The following FGF13 variants were observed in gnomAD, a reference collection of about 807,000 sequenced individuals.
FGF13 encodes fibroblast growth factor 13.
In FGF13, 2 loss-of-function variants were observed where a neutral mutation model predicts 19.5. The ratio of observed to expected loss-of-function variants is 0.10; its 90% CI spans 0.04 to 0.32. FGF13 has a LOEUF of 0.32. Among genes scored for constraint, FGF13 ranks in the 10% least tolerant of loss-of-function variants. The pLI is 1.00. For missense variants in FGF13, 113 were observed against 192.7 expected (o/e 0.59, Z 2.45); for synonymous variants, 72 against 76.9 (o/e 0.94, Z 0.33).
At chrX:138,831,105 C>A (rs982238176) in intron 3 of FGF13, among the ~76,000 whole-genome samples, 5 of 111,623 alleles carry the variant, frequency 4.5e-5, no homozygotes, top group African/African-American at 1.6e-4. Flanking sequence ...CCAGAACGTA[C>A]AAGCCATACA....
chrX:138,973,323 T>A (rs2091926414), intron 1 of FGF13, among the ~76,000 whole-genome samples: 1 of 112,443 alleles, frequency 8.9e-6, no homozygotes, highest in Non-Finnish European at 1.9e-5. Flanking sequence ...TCTCCTGTTA[T>A]TGATTTCTAA....
intron 1 of FGF13, among the ~76,000 whole-genome samples, chrX:139,179,154 TACTTTTAATGGCAAA>T (rs2084218071): frequency 8.9e-6 from 1 of 112,008 alleles, no homozygotes; most frequent in African/African-American, 3.2e-5. Flanking sequence ...TACTGCCTAT[TACTTTTAATGGCAAA>T]ACCGCAATTA....
intron 3 of FGF13, among the ~76,000 whole-genome samples, chrX:138,834,580 A>AT (rs1304882655): frequency 1.3e-4 from 12 of 95,819 alleles, no homozygotes; most frequent in East Asian, 6.3e-4. Context: ...TTATTTACTT[A>AT]TTTTTTTTCA....
chrX:138,925,543 G>A (rs2091668464), intron 1 of FGF13, among the ~76,000 whole-genome samples: 1 of 111,612 alleles, frequency 9.0e-6, no homozygotes, highest in Admixed American at 9.5e-5. Flanking sequence ...AAGCAACCTT[G>A]GATTCCTCTA....
intron 3 of FGF13, among the ~76,000 whole-genome samples, chrX:138,810,031 T>C (rs1453400772): frequency 8.9e-6 from 1 of 111,819 alleles, no homozygotes; most frequent in Non-Finnish European, 1.9e-5. Flanking sequence ...AGGTAACTTA[T>C]AGATTCAATG....
intron 1 of FGF13, among the ~76,000 whole-genome samples, chrX:139,121,910 G>C (rs2083680025): frequency 9.0e-6 from 1 of 111,030 alleles, no homozygotes; most frequent in African/African-American, 3.3e-5. Flanking sequence ...AGGAAGACAC[G>C]GGTAAGGCAA....
At chrX:139,056,813 T>C (rs1184794175) in intron 1 of FGF13, among the ~76,000 whole-genome samples, 1 of 112,432 alleles carries the variant, frequency 8.9e-6, no homozygotes, top group East Asian at 2.8e-4. Context: ...TTTTCAGTGA[T>C]GGAGCATGCG....
chrX:139,128,368 A>G (rs919259606), intron 1 of FGF13, among the ~76,000 whole-genome samples: 1 of 111,826 alleles, frequency 8.9e-6, no homozygotes, highest in Non-Finnish European at 1.9e-5. Context: ...ACCAATCATT[A>G]TATACTACCA....
chrX:138,879,726 T>G (rs1434622339), intron 1 of FGF13, among the ~76,000 whole-genome samples: 1 of 109,815 alleles, frequency 9.1e-6, no homozygotes, highest in Non-Finnish European at 1.9e-5. Context: ...TTCTCATTGT[T>G]CAACTCCCAC....
chrX:138,614,827 C>A lies in FGF13; in HGVS notation c.*18023G>T, dbSNP rs2088955217. On this transcript the variant is annotated 3_prime_UTR_variant, in exon 5 of 5. Transcript: ENST00000315930. ...TGAATAGTTAAACTATGGCACATCT[C>A]TACCATGGAATACTACACAGAAATT... 8.9e-6 allele frequency: 1 copy of A among 111,788 alleles called. No homozygotes were observed. Among genetic ancestry groups the A allele is most frequent in the Admixed American group, 9.5e-5 (1 of 10,489 alleles). 9.2% of individuals were successfully genotyped at this position (111,788 alleles called of 1,213,427 possible).
intron 1 of FGF13, among the ~76,000 whole-genome samples, chrX:139,036,712 A>C (rs2092251773): frequency 9.0e-6 from 1 of 111,593 alleles, no homozygotes; most frequent in Non-Finnish European, 1.9e-5. Flanking sequence ...TAATGGACTT[A>C]CAGTTCCACA....
rs978949208 is a variant in FGF13 at position 138,615,768 on chromosome X, G to GTT, written c.*17080_*17081dup. The GTT allele has an allele frequency of 6.3e-5, 7 of 111,747 alleles. No individual in the cohort carries two copies. The highest frequency in any genetic ancestry group is 1.3e-4 in the Non-Finnish European group (7 of 53,201). 9.2% of individuals were successfully genotyped at this position (111,747 alleles called of 1,213,427 possible). A position where few individuals can be genotyped will look rare whatever the true frequency, so the allele number is the denominator to read the frequency against. On this transcript the variant is annotated 3_prime_UTR_variant, in exon 5 of 5. Transcript: ENST00000315930. ...GACTAGGTAATTTATAAAGGAAAGA[G>GTT]TTTTAACTGACTCACAGTTCCGCAT...
At chrX:139,092,912 G>C (rs1309119710) in intron 1 of FGF13, among the ~76,000 whole-genome samples, 2 of 111,959 alleles carry the variant, frequency 1.8e-5, no homozygotes, top group African/African-American at 6.5e-5. Flanking sequence ...CTTAGGGTAA[G>C]GCAATAATAC....
intron 1 of FGF13, among the ~76,000 whole-genome samples, chrX:138,869,747 C>T (rs1027196530): frequency 8.9e-6 from 1 of 112,238 alleles, no homozygotes; most frequent in Non-Finnish European, 1.9e-5. Flanking sequence ...TAGTTGAAAT[C>T]CATTAAACAA....
intron 1 of FGF13, among the ~76,000 whole-genome samples, chrX:138,966,147 G>A (rs1047182919): frequency 3.6e-5 from 4 of 111,929 alleles, no homozygotes; most frequent in Non-Finnish European, 5.6e-5. Context: ...GGGCAGTGCA[G>A]AAGGGAAATG....
chrX:138,900,466 C>G (rs149907480), intron 1 of FGF13, among the ~76,000 whole-genome samples: 220 of 110,863 alleles, frequency 2.0e-3, no homozygotes, highest in African/African-American at 7.0e-3. Flanking sequence ...TCCAATCCAC[C>G]AGCAGTTCCC....
chrX:138,889,704 T>C (rs972968952), intron 1 of FGF13, among the ~76,000 whole-genome samples: 12 of 111,351 alleles, frequency 1.1e-4, no homozygotes, highest in African/African-American at 3.3e-4. Flanking sequence ...ATCATTCTCA[T>C]TCATATGCCA....
chrX:139,143,704 C>T (rs969732487), intron 1 of FGF13, among the ~76,000 whole-genome samples: 8 of 111,231 alleles, frequency 7.2e-5, no homozygotes, highest in African/African-American at 1.6e-4. Context: ...CTAAATAAGG[C>T]GCTGCTGTTT....
At chrX:138,857,953 T>C (rs1386860707) in intron 2 of FGF13, among the ~76,000 whole-genome samples, 1 of 112,429 alleles carries the variant, frequency 8.9e-6, no homozygotes, top group Admixed American at 9.4e-5. Flanking sequence ...CGTATTTTAA[T>C]ATGGATGCTC....
Sources: gnomAD v4.1 joint callset for allele counts (sites outside exome capture counted in the v4.1 genomes callset) on GRCh38, gnomAD v4.1.1 for gene constraint, MANE v1.5 for transcripts, NCBI Gene and HGNC (gene_info 2026-07-23, HGNC 2026-07-21) for gene names.